The following CELA1 variants were observed in gnomAD, a reference collection of about 807,000 sequenced individuals.
CELA1 encodes chymotrypsin like elastase 1.
CELA1 carries 28 observed loss-of-function variants against 34.8 expected under a neutral mutation model. The ratio of observed to expected loss-of-function variants is 0.80; its 90% CI spans 0.60 to 1.10. The LOEUF (loss-of-function observed/expected upper bound fraction) is 1.10, where lower values mean the gene tolerates loss of function less well. Ranked by LOEUF, CELA1 falls within the 50% of genes least tolerant of loss-of-function variation. The probability of loss-of-function intolerance (pLI) is 0.00; values close to 1 mark genes in which losing one functional copy is unlikely to be tolerated. For missense variants in CELA1, 288 were observed against 327.5 expected (o/e 0.88, Z 0.93); for synonymous variants, 140 against 129.8 (o/e 1.08, Z -0.53).
At chr12:51,346,202 C>CCA (rs1255441308) in intron 1 of CELA1, among the ~76,000 whole-genome samples, 44 of 149,604 alleles carry the variant, frequency 2.9e-4, no homozygotes, top group African/African-American at 1.1e-3. Context: ...AGACCCCCCC[C>CCA]CACTCTTTGA....
chr12:51,337,408 G>A (rs2137478848), intron 6 of CELA1, among the ~76,000 whole-genome samples: 1 of 152,074 alleles, frequency 6.6e-6, no homozygotes, highest in African/African-American at 2.4e-5. Context: ...GTGATGGCAT[G>A]TGCCTGTGAT....
chr12:51,341,924 A>C (rs1024182429), intron 4 of CELA1, among the ~76,000 whole-genome samples: 3 of 151,810 alleles, frequency 2.0e-5, no homozygotes, highest in Non-Finnish European at 4.4e-5. Flanking sequence ...TAATGATAAA[A>C]CCCCCCATAG....
rs754776335 is a variant in CELA1 at position 51,342,703 on chromosome 12, G to A, written c.201-3C>T. The A allele has an allele frequency of 1.2e-6, 2 of 1,613,976 alleles. No homozygotes were observed. Among genetic ancestry groups the A allele is most frequent in the South Asian group, 2.2e-5 (2 of 91,082 alleles). ...CCACCACGCGGAAAGTCTTCTGGCT[G>A]GCGTGAGAGAAGGAATCCCTGAGTC... On this transcript the variant is annotated splice_region_variant and splice_polypyrimidine_tract_variant and intron_variant, in intron 3 of 7. Transcript: ENST00000293636.
In CELA1 at chr12:51,343,834, G is replaced by GT; in HGVS notation, c.118_119insA (p.Ser40TyrfsTer40). The GT allele has an allele frequency of 6.3e-7, 1 of 1,598,282 alleles. No homozygotes were observed. Among genetic ancestry groups the GT allele is most frequent in the Non-Finnish European group, 8.6e-7 (1 of 1,167,318 alleles). ...ACAGGTGTGATACCGGGAACCTCCA[G>GT]ACCGGTACTGGAGGGAAATCTAGAT... On this transcript the variant is annotated frameshift_variant, in exon 3 of 8. Coordinates refer to ENST00000293636, the MANE Select transcript of CELA1 (RefSeq NM_001971.6). LOFTEE classifies it high-confidence loss of function.
intron 6 of CELA1, among the ~76,000 whole-genome samples, chr12:51,333,394 GT>G (rs1327567296): frequency 1.8e-4 from 19 of 107,060 alleles, no homozygotes; most frequent in Admixed American, 4.5e-4. Context: ...GAGCCCGACT[GT>G]TTTTTTTTTG....
intron 6 of CELA1, among the ~76,000 whole-genome samples, chr12:51,336,444 T>A (rs984276435): frequency 6.6e-6 from 1 of 152,066 alleles, no homozygotes; most frequent in Non-Finnish European, 1.5e-5. Context: ...CTGGCCAACA[T>A]GGGGAAACCC....
At chr12:51,333,964 GGAAAA>G (rs1946486609) in intron 6 of CELA1, among the ~76,000 whole-genome samples, 1 of 152,168 alleles carries the variant, frequency 6.6e-6, no homozygotes, top group African/African-American at 2.4e-5. Context: ...AGGAAGAGTT[GGAAAA>G]GAAATCAGTG....
intron 4 of CELA1, 151 bp downstream of exon 4, chr12:51,342,424 G>A: frequency 9.5e-7 from 1 of 1,047,906 alleles, no homozygotes; most frequent in Admixed American, 2.2e-5. Context: ...GCTCAGCTGG[G>A]CTCCTTAACT....
chr12:51,330,631 C>A (rs1360918695), intron 6 of CELA1, among the ~76,000 whole-genome samples: 1 of 152,114 alleles, frequency 6.6e-6, no homozygotes, highest in Admixed American at 6.5e-5. Flanking sequence ...AAATACCACC[C>A]CCACTCTGAA....
In CELA1 at chr12:51,342,634, G is replaced by A. The variant is rs959729068; in HGVS notation, c.267C>T (p.Tyr89=). The A allele has an allele frequency of 8.1e-6, 13 of 1,613,982 alleles. No homozygotes were observed. In the Admixed American group the frequency reaches 8.3e-5, roughly 10 times the overall value. ...GCACCACGATCTTCTGCACACTCAC[G>A]TACTGCTCAGTGCCATCATTCTGGC... The part of the protein sequence containing the change: ...NLSQNDGTEQ[Y]VSVQKIVVHP... Residue 89 remains tyrosine, a synonymous_variant, in exon 4 of 8, where the codon TAC becomes TAT. Transcript: ENST00000293636.
intron 3 of CELA1, among the ~76,000 whole-genome samples, 156 bp from the exon 4 acceptor site, chr12:51,342,856 G>T (rs1448006441): frequency 6.6e-6 from 1 of 150,948 alleles, no homozygotes; most frequent in African/African-American, 2.4e-5. Flanking sequence ...TGTTGCCCAG[G>T]CTGGCTTCAA....
In CELA1 at chr12:51,329,834, C is replaced by A. The variant is rs1290164085; in HGVS notation, c.610-1G>T. The A allele has an allele frequency of 6.2e-7, 1 of 1,602,020 alleles. No homozygotes were observed. The highest frequency in any genetic ancestry group is 8.5e-7 in the Non-Finnish European group (1 of 1,175,410). The stretch of plus-strand genomic sequence containing the variant: ...AATGGAGGGGGCCCCCAGAGTCACC[C>A]TGCAGGGAGGAGAAACAGAATCCTA... On this transcript the variant is annotated splice_acceptor_variant, in intron 6 of 7. Coordinates refer to ENST00000293636, the MANE Select transcript of CELA1 (RefSeq NM_001971.6). LOFTEE classifies it high-confidence loss of function.
chr12:51,332,211 C>A (rs977607210), intron 6 of CELA1, among the ~76,000 whole-genome samples: 1 of 149,798 alleles, frequency 6.7e-6, no homozygotes, highest in Non-Finnish European at 1.5e-5. Context: ...AAAAGTTATG[C>A]AGCAAATGAA....
At chr12:51,343,594 A>G (rs927384908) in intron 3 of CELA1, among the ~76,000 whole-genome samples, 159 bp downstream of exon 3, 2 of 152,310 alleles carry the variant, frequency 1.3e-5, no homozygotes, top group Admixed American at 1.3e-4. Flanking sequence ...CAAAGTTTGT[A>G]CTTTCACCAT....
chr12:51,328,619 C>T (rs577507468), intron 7 of CELA1, 25 bp from the exon 8 acceptor site: 2 of 1,611,350 alleles, frequency 1.2e-6, no homozygotes, highest in East Asian at 2.2e-5. Flanking sequence ...GTTATGTCCA[C>T]AGTCAGTAAC....
intron 6 of CELA1, among the ~76,000 whole-genome samples, chr12:51,332,091 G>A (rs970590627): frequency 3.3e-5 from 5 of 151,824 alleles, no homozygotes; most frequent in Admixed American, 3.3e-4. Context: ...AGATTGAGGT[G>A]GGAGGATTTC....
At chr12:51,337,837 G>A (rs1054431875) in intron 6 of CELA1, among the ~76,000 whole-genome samples, 1 of 151,286 alleles carries the variant, frequency 6.6e-6, no homozygotes, top group African/African-American at 2.4e-5. Context: ...TTGAGCCTGG[G>A]AGGCAGAGGT....
At position 51,339,843 on chromosome 12, in the gene CELA1, C is replaced by A; in HGVS notation, c.609+17G>T. ...AGAGTGGCGGGACCTGGGGTGGGAC[C>A]CCCTGCAAATGTTCACCTGGCATCC... On this transcript the variant is annotated intron_variant, in intron 6 of 7. Transcript: ENST00000293636. The A allele has an allele frequency of 6.3e-7, 1 of 1,595,548 alleles. No individual in the cohort carries two copies. The highest frequency in any genetic ancestry group is 1.2e-5 in the South Asian group (1 of 86,840).
chr12:51,328,524 C>G lies in CELA1; in HGVS notation c.*53G>C. The G allele has an allele frequency of 6.3e-7, 1 of 1,592,146 alleles. No homozygotes were observed. The highest frequency in any genetic ancestry group is 1.1e-5 in the South Asian group (1 of 90,590). On this transcript the variant is annotated 3_prime_UTR_variant, in exon 8 of 8. Coordinates refer to ENST00000293636, the MANE Select transcript of CELA1 (RefSeq NM_001971.6). ...GTGTTTTACTTTTTGATCGCAAGTCCTACTGCAGATCTAAGAACCATTTTG... is the reference window on the plus strand; with the variant it reads ...GTGTTTTACTTTTTGATCGCAAGTCGTACTGCAGATCTAAGAACCATTTTG...
Sources: gnomAD v4.1 joint callset for allele counts (sites outside exome capture counted in the v4.1 genomes callset) on GRCh38, gnomAD v4.1.1 for gene constraint, MANE v1.5 for transcripts, NCBI Gene and HGNC (gene_info 2026-07-23, HGNC 2026-07-21) for gene names.